The following SYTL5 variants were observed in gnomAD, a reference collection of about 807,000 sequenced individuals.
SYTL5 encodes the protein synaptotagmin-like protein 5.
Under a neutral mutation model 55.9 loss-of-function variants are expected in SYTL5, and 34 were observed. That is an observed-to-expected ratio of 0.61 (90% CI 0.46 to 0.81). The LOEUF (loss-of-function observed/expected upper bound fraction) is 0.81. Among genes scored for constraint, SYTL5 ranks in the 30% least tolerant of loss-of-function variants. SYTL5 has a pLI of 0.00. For synonymous variants in SYTL5, 221 were observed against 188.7 expected, an observed-to-expected ratio of 1.17 and a Z score of -1.40; for missense variants, 637 against 546.7, an observed-to-expected ratio of 1.17 and a Z score of -1.65.
chrX:38,059,815 G>A (rs1045684558), intron 3 of SYTL5, among the ~76,000 whole-genome samples: 2 of 111,560 alleles, frequency 1.8e-5, no homozygotes, highest in African/African-American at 6.5e-5. Flanking sequence ...ACTAATGACT[G>A]ATTTGCTAGT....
the SYTL5 span, chrX:37,906,393 G>T: frequency 8.9e-6 from 1 of 112,239 alleles, no homozygotes; most frequent in Non-Finnish European, 1.9e-5. Flanking sequence ...CGTTTATGGA[G>T]CTAGGAATGT....
At chrX:38,035,206 C>T (rs896499128) in intron 2 of SYTL5, among the ~76,000 whole-genome samples, 3 of 112,074 alleles carry the variant, frequency 2.7e-5, no homozygotes, top group Non-Finnish European at 5.6e-5. Flanking sequence ...GCATAGAATT[C>T]AGGTGGCAAC....
chrX:38,023,412 C>T (rs753337145), intron 1 of SYTL5, among the ~76,000 whole-genome samples: 2 of 111,451 alleles, frequency 1.8e-5, no homozygotes, highest in Non-Finnish European at 3.8e-5. Context: ...GAAATAAGTC[C>T]CTTTTCATCC....
chrX:37,889,157 C>T, the SYTL5 span, among the ~76,000 whole-genome samples: 1 of 111,791 alleles, frequency 8.9e-6, no homozygotes, highest in East Asian at 2.8e-4. Context: ...CAATGAAGAG[C>T]GGTAAGCAGA....
intron 1 of SYTL5, among the ~76,000 whole-genome samples, chrX:38,026,567 C>T (rs1409490461): frequency 8.9e-6 from 1 of 111,946 alleles, no homozygotes; most frequent in Non-Finnish European, 1.9e-5. Context: ...GCCCCAAGGG[C>T]TGTTGGTTGT....
At chrX:37,967,979 A>G in the SYTL5 span, among the ~76,000 whole-genome samples, 2 of 108,671 alleles carry the variant, frequency 1.8e-5, no homozygotes, top group African/African-American at 3.3e-5. Flanking sequence ...TATTTATTGA[A>G]TTCTTCAGCT....
intron 1 of SYTL5, among the ~76,000 whole-genome samples, chrX:38,014,136 C>A (rs1335398290): frequency 8.9e-6 from 1 of 112,798 alleles, no homozygotes; most frequent in Non-Finnish European, 1.9e-5. Flanking sequence ...CCCTCCAAAG[C>A]AGGAGTGCTG....
intron 13 of SYTL5, among the ~76,000 whole-genome samples, chrX:38,112,557 T>C (rs761726994): frequency 8.9e-6 from 1 of 112,454 alleles, no homozygotes; most frequent in Non-Finnish European, 1.9e-5. Context: ...TTAGTGTCTC[T>C]AATCTCTGCC....
intron 2 of SYTL5, among the ~76,000 whole-genome samples, chrX:38,043,659 A>G (rs7882239): frequency 0.14 from 8,268 of 58,100 alleles, 599 homozygotes; most frequent in Non-Finnish European, 0.18. Context: ...GTATGTATGT[A>G]TGTATATATA....
chrX:38,099,863 G>A lies in SYTL5; in HGVS notation c.1063-2479G>A, dbSNP rs113234118. Reference sequence around the variant, plus strand: ...TTTTATCCTTCATTCTGCTAATGCAGTTTATCACAACTATTGATTTGTTTA... The same window carrying A: ...TTTTATCCTTCATTCTGCTAATGCAATTTATCACAACTATTGATTTGTTTA... On this transcript the variant is annotated intron_variant, in intron 9 of 16. Transcript: ENST00000297875. 3.2e-3 allele frequency among the ~76,000 whole-genome samples: 354 copies of A among 111,388 alleles called. 3 individuals carry two copies. The highest frequency in any genetic ancestry group is 0.011 in the African/African-American group (336 of 30,815).
intron 7 of SYTL5, among the ~76,000 whole-genome samples, chrX:38,093,845 TG>T (rs1391079403): frequency 2.8e-5 from 3 of 108,786 alleles, no homozygotes; most frequent in African/African-American, 1.0e-4. Flanking sequence ...TCCTGTTAAA[TG>T]GGGGTGGAAG....
At chrX:37,927,664 G>C in the SYTL5 span, among the ~76,000 whole-genome samples, 1 of 110,915 alleles carries the variant, frequency 9.0e-6, no homozygotes, top group African/African-American at 3.3e-5. Flanking sequence ...TGTAGTCCCA[G>C]CTACTCGGGA....
At chrX:38,035,230 T>C (rs1026982856) in intron 2 of SYTL5, among the ~76,000 whole-genome samples, 3 of 112,400 alleles carry the variant, frequency 2.7e-5, no homozygotes, top group African/African-American at 9.7e-5. Flanking sequence ...ATGTAGTTAA[T>C]AATTTCAAAG....
At chrX:38,106,947 G>C (rs1256165185) in intron 11 of SYTL5, among the ~76,000 whole-genome samples, 176 bp downstream of exon 11, 1 of 112,421 alleles carries the variant, frequency 8.9e-6, no homozygotes, top group Admixed American at 9.4e-5. Flanking sequence ...ATGTATACTG[G>C]TTGTGTCTTT....
the SYTL5 span, among the ~76,000 whole-genome samples, chrX:37,931,353 A>G: frequency 9.0e-6 from 1 of 111,622 alleles, no homozygotes; most frequent in African/African-American, 3.2e-5. Context: ...AACAGTACTG[A>G]AGGCCTAAGA....
chrX:38,089,484 C>A lies in SYTL5; in HGVS notation c.728C>A (p.Pro243His). Reference sequence around the variant, plus strand: ...TCATCAGATCTCAATGACCAGGAACCTGGTCCTAGGACCCCGAAGAGCAGT... The same window carrying A: ...TCATCAGATCTCAATGACCAGGAACATGGTCCTAGGACCCCGAAGAGCAGT... ...TGSSDLNDQE[P>H]GPRTPKSSRS... The change falls in exon 7 of 17, where the codon CCT (proline) becomes CAT (histidine). Residue 243 changes from proline to histidine, a missense_variant. Transcript: ENST00000297875. The A allele has an allele frequency of 8.3e-7, 1 of 1,210,424 alleles. No homozygotes were observed. The highest frequency in any genetic ancestry group is 2.2e-5 in the Admixed American group (1 of 45,943).
chrX:38,033,941 A>G lies in SYTL5; in HGVS notation c.52A>G (p.Lys18Glu). ...TCTGTCATTTTTATTAGATCATGAG[A>G]AGGAAATGATCCTGGGCGTCCTAAA... is the stretch of plus-strand genomic sequence containing the variant. ...INLSFLLDHE[K>E]EMILGVLKRD... The change falls in exon 2 of 17, where the codon AAG (lysine) becomes GAG (glutamate). Residue 18 changes from lysine to glutamate, a missense_variant. Lys to Glu is a moderately conservative substitution (Grantham distance 56). Transcript: ENST00000297875. 1 of 1,202,092 alleles carries G rather than the reference A, an allele frequency of 8.3e-7. No individual in the cohort carries two copies. Among genetic ancestry groups the G allele is most frequent in the Non-Finnish European group, 1.1e-6 (1 of 888,789 alleles).
rs780015025 is a variant in SYTL5, at chrX:38,031,493, G to C, written c.-356-2041G>C. Among the ~76,000 whole-genome samples the C allele has an allele frequency of 9.9e-5, 11 of 111,642 alleles. No individual in the cohort carries two copies. The South Asian group carries it at 4.2e-3, about 43-fold the overall frequency. ...GATTTGTATTTATAGCCCAAGGCAG[G>C]GATAGCTATAAGCTTCAGGTCAAGC... On this transcript the variant is annotated intron_variant, in intron 1 of 16. Coordinates refer to ENST00000297875, the MANE Select transcript of SYTL5 (RefSeq NM_138780.3).
chrX:37,914,529 A>T, the SYTL5 span, among the ~76,000 whole-genome samples: 7 of 111,461 alleles, frequency 6.3e-5, no homozygotes, highest in Non-Finnish European at 1.3e-4. Flanking sequence ...GGAATCATAC[A>T]CACATGATAG....
Sources: allele counts gnomAD v4.1 joint callset (sites outside exome capture counted in the v4.1 genomes callset), GRCh38; gene constraint gnomAD v4.1.1; transcripts MANE v1.5; gene names NCBI Gene and HGNC (gene_info 2026-07-23, HGNC 2026-07-21).